The following CTNNA2 variants were observed in gnomAD, a reference collection of about 807,000 sequenced individuals.
CTNNA2 encodes catenin alpha 2.
Under a neutral mutation model 101.0 loss-of-function variants are expected in CTNNA2, and 42 were observed. The ratio of observed to expected loss-of-function variants is 0.42; its 90% CI spans 0.32 to 0.54. The LOEUF (loss-of-function observed/expected upper bound fraction) is 0.54, where lower values mean the gene tolerates loss of function less well. Ranked by LOEUF, CTNNA2 falls within the 20% of genes least tolerant of loss-of-function variation. CTNNA2 has a pLI of 0.14. For synonymous variants in CTNNA2, 450 were observed against 456.4 expected (o/e 0.99, Z 0.18); for missense variants, 871 against 1,223.1 (o/e 0.71, Z 4.29).
intron 8 of CTNNA2, among the ~76,000 whole-genome samples, chr2:80,396,855 A>G (rs72912900): frequency 0.044 from 6,722 of 152,278 alleles, 513 homozygotes; most frequent in African/African-American, 0.15. Flanking sequence ...AGCCACCACA[A>G]TGAGTCCAGC....
At chr2:80,188,810 G>A (rs1482584351) in intron 7 of CTNNA2, among the ~76,000 whole-genome samples, 1 of 152,138 alleles carries the variant, frequency 6.6e-6, no homozygotes, top group African/African-American at 2.4e-5. Context: ...GTCTGAAAAG[G>A]TCTTTTTGCC....
At chr2:79,963,529 C>G (rs1242819321) in intron 7 of CTNNA2, among the ~76,000 whole-genome samples, 4 of 152,182 alleles carry the variant, frequency 2.6e-5, no homozygotes, top group Non-Finnish European at 5.9e-5. Context: ...ATGTCAGTCA[C>G]TCACTGCTGT....
At chr2:79,305,114 A>G (rs944842598) in intron 2 of CTNNA2, among the ~76,000 whole-genome samples, 3 of 152,032 alleles carry the variant, frequency 2.0e-5, no homozygotes, top group Admixed American at 6.6e-5. Context: ...AGTGCATTTC[A>G]GGTTACTAGT....
At chr2:79,675,926 A>C (rs1683155883) in intron 2 of CTNNA2, among the ~76,000 whole-genome samples, 1 of 152,220 alleles carries the variant, frequency 6.6e-6, no homozygotes, top group South Asian at 2.1e-4. Context: ...TGTCAGGTAC[A>C]TCCTATGTCC....
chr2:79,458,404 A>T (rs554266311), intron 4 of CTNNA2, among the ~76,000 whole-genome samples: 1 of 152,312 alleles, frequency 6.6e-6, no homozygotes, highest in Middle Eastern at 3.4e-3. Context: ...TAGAGTAAGC[A>T]TGAATGTCTT....
At chr2:79,243,562 C>T (rs1313740482) in intron 2 of CTNNA2, among the ~76,000 whole-genome samples, 1 of 152,154 alleles carries the variant, frequency 6.6e-6, no homozygotes, top group African/African-American at 2.4e-5. Context: ...ATTTGCCAGG[C>T]ATTAGGATTG....
intron 6 of CTNNA2, among the ~76,000 whole-genome samples, chr2:79,875,877 C>T (rs1334250538): frequency 2.0e-5 from 3 of 151,866 alleles, no homozygotes; most frequent in African/African-American, 7.3e-5. Flanking sequence ...ATAATGTTTA[C>T]TTTATATAAC....
At chr2:80,476,996 C>A (rs1027123836) in intron 9 of CTNNA2, among the ~76,000 whole-genome samples, 1 of 152,122 alleles carries the variant, frequency 6.6e-6, no homozygotes, top group Non-Finnish European at 1.5e-5. Context: ...ATTTCTCATG[C>A]ATAACAGAAG....
At chr2:80,121,514 A>G (rs765256938) in intron 7 of CTNNA2, among the ~76,000 whole-genome samples, 1 of 152,210 alleles carries the variant, frequency 6.6e-6, no homozygotes, top group Non-Finnish European at 1.5e-5. Context: ...GCAGTTTTCC[A>G]TAGTAAGTGC....
At chr2:79,412,693 C>G (rs979317905) in intron 4 of CTNNA2, among the ~76,000 whole-genome samples, 1 of 151,966 alleles carries the variant, frequency 6.6e-6, no homozygotes. Context: ...TTCTTTGAAG[C>G]CAACGAGAAC....
chr2:79,724,714 C>T (rs1686709121), intron 2 of CTNNA2, among the ~76,000 whole-genome samples: 1 of 147,118 alleles, frequency 6.8e-6, no homozygotes, highest in African/African-American at 2.5e-5. Flanking sequence ...ACTTTGGAGG[C>T]TGAGGCAGGA....
chr2:79,797,547 C>G (rs1675816116), intron 3 of CTNNA2, among the ~76,000 whole-genome samples: 1 of 151,322 alleles, frequency 6.6e-6, no homozygotes, highest in Non-Finnish European at 1.5e-5. Flanking sequence ...GTTGTCCCAG[C>G]TTACTCAGGA....
intron 7 of CTNNA2, among the ~76,000 whole-genome samples, chr2:80,199,563 AC>A (rs1392049730): frequency 2.6e-5 from 4 of 152,228 alleles, no homozygotes; most frequent in Admixed American, 2.6e-4. Context: ...CAGGAGTAGC[AC>A]ATGGGAGGTG....
At chr2:79,291,095 A>C (rs553769893) in intron 2 of CTNNA2, among the ~76,000 whole-genome samples, 27 of 151,936 alleles carry the variant, frequency 1.8e-4, no homozygotes, top group African/African-American at 5.8e-4. Context: ...GACACCAGCC[A>C]CTCCCTCTGT....
chr2:79,209,185 A>G (rs1357741327), intron 2 of CTNNA2, among the ~76,000 whole-genome samples: 1 of 152,192 alleles, frequency 6.6e-6, no homozygotes, highest in Admixed American at 6.5e-5. Context: ...TATATAAAAA[A>G]TAAATTTTTT....
intron 7 of CTNNA2, among the ~76,000 whole-genome samples, chr2:80,312,414 A>G (rs1677677380): frequency 6.6e-6 from 1 of 152,230 alleles, no homozygotes; most frequent in East Asian, 1.9e-4. Context: ...CTTAGGTCAG[A>G]GCAGGTGACC....
Position 79,695,004 on chromosome 2 carries a change from C to T in CTNNA2, c.102+43346C>T, listed in dbSNP as rs1684562989. ...GCATCATTTAGTGAGGTCTCAAGGC[C>T]GTATGAAACCAAGCCTTACATTTTT... On this transcript the variant is annotated intron_variant, in intron 2 of 18. Transcript: ENST00000402739. Among the ~76,000 whole-genome samples the T allele has an allele frequency of 2.0e-5, 3 of 149,670 alleles. No individual in the cohort carries two copies. The South Asian group carries it at 6.3e-4, about 31-fold the overall frequency.
At chr2:79,384,862 A>G (rs1373173243) in intron 4 of CTNNA2, among the ~76,000 whole-genome samples, 2 of 152,292 alleles carry the variant, frequency 1.3e-5, no homozygotes, top group Middle Eastern at 3.4e-3. Context: ...AACTTATACT[A>G]GGAATTTGGT....
chr2:80,142,283 G>C (rs1410462305), intron 7 of CTNNA2, among the ~76,000 whole-genome samples: 1 of 152,136 alleles, frequency 6.6e-6, no homozygotes, highest in East Asian at 1.9e-4. Flanking sequence ...TGGGAAGTTG[G>C]AGTCTTCAGC....
Sources: gnomAD v4.1 joint callset for allele counts (sites outside exome capture counted in the v4.1 genomes callset) on GRCh38, gnomAD v4.1.1 for gene constraint, MANE v1.5 for transcripts, NCBI Gene and HGNC (gene_info 2026-07-23, HGNC 2026-07-21) for gene names.